Variants in KLHL1 observed in about 807,000 individuals in gnomAD.
KLHL1 encodes kelch-like protein 1.
KLHL1 carries 47 observed loss-of-function variants against 77.7 expected under a neutral mutation model. The observed-to-expected ratio is 0.60, with a 90% CI of 0.48 to 0.77. KLHL1 has a LOEUF of 0.77. Ranked by LOEUF, KLHL1 falls within the 30% of genes least tolerant of loss-of-function variation. The pLI, the probability that KLHL1 is intolerant of heterozygous loss-of-function variation, is 0.00. For missense variants in KLHL1, 925 were observed against 910.8 expected (o/e 1.02, Z -0.20); for synonymous variants, 360 against 325.2 (o/e 1.11, Z -1.15).
At chr13:69,828,560 G>C (rs1485869798) in intron 6 of KLHL1, among the ~76,000 whole-genome samples, 2 of 150,082 alleles carry the variant, frequency 1.3e-5, no homozygotes, top group Non-Finnish European at 3.0e-5. Flanking sequence ...GTGCAAATGG[G>C]AAGTACAGGC....
chr13:70,019,584 A>G (rs1267242055), intron 1 of KLHL1, among the ~76,000 whole-genome samples: 1 of 152,148 alleles, frequency 6.6e-6, no homozygotes, highest in African/African-American at 2.4e-5. Flanking sequence ...ATATATTATC[A>G]CTTTAATCTT....
At chr13:70,000,059 A>G (rs9564639) in intron 1 of KLHL1, among the ~76,000 whole-genome samples, 84,651 of 151,700 alleles carry the variant, frequency 0.56, 25,454 homozygotes, top group Non-Finnish European at 0.68. Context: ...GTTAGTTCCC[A>G]TGAGATCTGA....
At chr13:69,867,928 A>C (rs1433779005) in intron 5 of KLHL1, among the ~76,000 whole-genome samples, 1 of 151,982 alleles carries the variant, frequency 6.6e-6, no homozygotes, top group Non-Finnish European at 1.5e-5. Context: ...GGTGCAGCAC[A>C]CCAACATGAA....
intron 6 of KLHL1, among the ~76,000 whole-genome samples, chr13:69,811,208 T>G (rs994553740): frequency 6.6e-6 from 1 of 152,000 alleles, no homozygotes; most frequent in Admixed American, 6.6e-5. Flanking sequence ...CTGATGAGCA[T>G]AGAAACAAAA....
intron 6 of KLHL1, among the ~76,000 whole-genome samples, chr13:69,812,947 C>T (rs998542133): frequency 2.1e-5 from 3 of 145,976 alleles, no homozygotes; most frequent in African/African-American, 5.2e-5. Context: ...CTAGAAATAC[C>T]ATTTGACCCA....
chr13:69,952,853 G>A (rs1002064426), intron 3 of KLHL1, among the ~76,000 whole-genome samples: 1 of 151,288 alleles, frequency 6.6e-6, no homozygotes, highest in Non-Finnish European at 1.5e-5. Context: ...AAATGACAGG[G>A]TTGTTTTGCT....
At chr13:69,971,730 T>A (rs1486364741) in intron 2 of KLHL1, among the ~76,000 whole-genome samples, 1 of 152,062 alleles carries the variant, frequency 6.6e-6, no homozygotes, top group African/African-American at 2.4e-5. Context: ...TTTGCAACTA[T>A]AATAATTTCC....
chr13:69,804,651 T>A (rs2138052412), intron 6 of KLHL1, among the ~76,000 whole-genome samples: 1 of 152,170 alleles, frequency 6.6e-6, no homozygotes, highest in East Asian at 1.9e-4. Context: ...CAGCAATGGG[T>A]GGCAGTGAGA....
At chr13:69,808,651 A>G (rs1331899404) in intron 6 of KLHL1, among the ~76,000 whole-genome samples, 1 of 152,192 alleles carries the variant, frequency 6.6e-6, no homozygotes, top group Admixed American at 6.5e-5. Flanking sequence ...AACTCCAGCA[A>G]TACAAAAAGC....
intron 1 of KLHL1, among the ~76,000 whole-genome samples, chr13:69,993,314 T>C (rs1885071729): frequency 6.6e-6 from 1 of 151,978 alleles, no homozygotes; most frequent in Non-Finnish European, 1.5e-5. Context: ...CACTTAGCAA[T>C]CTTCACCTAA....
chr13:69,908,165 G>A (rs1735781298), intron 4 of KLHL1, among the ~76,000 whole-genome samples: 1 of 151,918 alleles, frequency 6.6e-6, no homozygotes, highest in Admixed American at 6.6e-5. Context: ...TTGAAGCCAT[G>A]GGCTATGGGT....
At chr13:69,897,836 A>G (rs938917595) in intron 4 of KLHL1, among the ~76,000 whole-genome samples, 1 of 152,194 alleles carries the variant, frequency 6.6e-6, no homozygotes, top group Non-Finnish European at 1.5e-5. Context: ...AAGTATAAGA[A>G]TAGCAGATGA....
At chr13:70,067,194 G>C (rs1159067576) in intron 1 of KLHL1, among the ~76,000 whole-genome samples, 1 of 152,168 alleles carries the variant, frequency 6.6e-6, no homozygotes, top group Non-Finnish European at 1.5e-5. Context: ...GAGAAAACAT[G>C]TTCCAGCATT....
chr13:69,731,371 T>C (rs1308659051), intron 8 of KLHL1, among the ~76,000 whole-genome samples: 1 of 152,124 alleles, frequency 6.6e-6, no homozygotes, highest in Admixed American at 6.6e-5. Context: ...CTTCTAGAAG[T>C]CTCAGTATTC....
At chr13:69,760,653 C>A (rs1387176496) in intron 7 of KLHL1, among the ~76,000 whole-genome samples, 3 of 152,038 alleles carry the variant, frequency 2.0e-5, no homozygotes, top group Non-Finnish European at 4.4e-5. Flanking sequence ...CTGTGCCCTG[C>A]CACAAGATTT....
At chr13:69,761,834 A>G (rs1269932058) in intron 7 of KLHL1, among the ~76,000 whole-genome samples, 3 of 152,316 alleles carry the variant, frequency 2.0e-5, no homozygotes, top group Admixed American at 6.5e-5. Context: ...TTCTGCACTC[A>G]ATGACTCATC....
chr13:70,105,159 T>G (rs1888019340), intron 1 of KLHL1, among the ~76,000 whole-genome samples: 1 of 152,022 alleles, frequency 6.6e-6, no homozygotes, highest in South Asian at 2.1e-4. Context: ...ACAATAAAGA[T>G]GATTTTGGTT....
intron 3 of KLHL1, among the ~76,000 whole-genome samples, chr13:69,950,267 G>T (rs1308033355): frequency 6.6e-6 from 1 of 151,564 alleles, no homozygotes; most frequent in African/African-American, 2.4e-5. Flanking sequence ...AATTAAACAT[G>T]CCAGTAGCTC....
intron 3 of KLHL1, among the ~76,000 whole-genome samples, chr13:69,940,943 C>G (rs1409947264): frequency 2.6e-5 from 4 of 151,748 alleles, no homozygotes; most frequent in African/African-American, 9.7e-5. Flanking sequence ...TCTGGAGTTA[C>G]ATTTTAATTA....
Sources: allele counts gnomAD v4.1 joint callset (sites outside exome capture counted in the v4.1 genomes callset), GRCh38; gene constraint gnomAD v4.1.1; transcripts MANE v1.5; gene names NCBI Gene and HGNC (gene_info 2026-07-23, HGNC 2026-07-21).